Variants in BRINP2 observed in about 807,000 individuals in gnomAD.
BRINP2 encodes BMP/retinoic acid-inducible neural-specific protein 2.
In BRINP2, 21 loss-of-function variants were observed where a neutral mutation model predicts 69.2. That is an observed-to-expected ratio of 0.30 (90% CI 0.22 to 0.44). BRINP2 has a LOEUF of 0.44. BRINP2 is among the 20% of genes least tolerant of loss of function. BRINP2 has a pLI of 1.00. For synonymous variants in BRINP2, 380 were observed against 394.1 expected, an observed-to-expected ratio of 0.96 and a Z score of 0.42; for missense variants, 877 against 986.0, an observed-to-expected ratio of 0.89 and a Z score of 1.48.
Position 177,278,785 on chromosome 1 carries a change from G to C in BRINP2, c.1235G>C (p.Arg412Thr), listed in dbSNP as rs375265726. The change falls in exon 7 of 8, where the codon AGG (arginine) becomes ACG (threonine). Residue 412 changes from arginine (R) to threonine (T), a missense_variant and splice_region_variant. By Grantham distance (71) the Arg-to-Thr change is moderately conservative. This residue lies in a region of BRINP2 where 566 missense variants were observed against 625.2 expected (regional missense o/e 0.91). Coordinates refer to ENST00000361539, the MANE Select transcript of BRINP2 (RefSeq NM_021165.4). ...RQPRFRLPKERSLSYWWNRIQ... is the reference protein window; with the variant it reads ...RQPRFRLPKETSLSYWWNRIQ... ...CCTCGCTTCCGCCTGCCCAAGGAGA[G>C]GTGAGCACCCCCTGGCTGCTACAGC... The C allele has an allele frequency of 1.4e-5, 23 of 1,613,644 alleles. No individual in the cohort carries two copies. The highest frequency in any genetic ancestry group is 1.9e-5 in the Non-Finnish European group (22 of 1,180,024).
At chr1:177,212,898 A>C (rs1649269359) in intron 1 of BRINP2, among the ~76,000 whole-genome samples, 1 of 152,228 alleles carries the variant, frequency 6.6e-6, no homozygotes, top group South Asian at 2.1e-4. Flanking sequence ...TCTTGAAGCT[A>C]GGTGAGCGCC....
intron 2 of BRINP2, among the ~76,000 whole-genome samples, chr1:177,248,995 G>A (rs1203854986): frequency 2.6e-5 from 4 of 152,038 alleles, no homozygotes; most frequent in Non-Finnish European, 4.4e-5. Context: ...TGGATTTTAG[G>A]GAAATCCCTA....
At chr1:177,256,765 G>T in intron 3 of BRINP2, 1 of 1,107,908 alleles carries the variant, frequency 9.0e-7, no homozygotes, top group Non-Finnish European at 1.1e-6. Flanking sequence ...CACGCGGCAG[G>T]TGTTGAGTGT....
intron 4 of BRINP2, among the ~76,000 whole-genome samples, chr1:177,264,234 T>C (rs1651052613): frequency 6.6e-6 from 1 of 152,208 alleles, no homozygotes; most frequent in African/African-American, 2.4e-5. Context: ...CCTCACTCTT[T>C]AATGGCCTCA....
Position 177,202,705 on chromosome 1 carries a change from G to A in BRINP2, c.-76-27096G>A, listed in dbSNP as rs113179188. On this transcript the variant is annotated intron_variant, in intron 1 of 7. Coordinates refer to ENST00000361539, the MANE Select transcript of BRINP2 (RefSeq NM_021165.4). ...TGATTTGGGGTGGAGACATTTATGC[G>A]GCCAAAAAACACATGAAAAAATGCT... Among the ~76,000 whole-genome samples the A allele has an allele frequency of 1.1e-3, 163 of 152,080 alleles. 1 individual carries two copies. Among genetic ancestry groups the A allele is most frequent in the Admixed American group, 3.6e-3 (55 of 15,270 alleles).
In BRINP2 at chr1:177,171,290, C is replaced by T. The variant is rs1647920132; in HGVS notation, c.-519C>T. On this transcript the variant is annotated 5_prime_UTR_variant, in exon 1 of 8. Coordinates refer to ENST00000361539, the MANE Select transcript of BRINP2 (RefSeq NM_021165.4). ...AAGAAGGCAAAATCTTGGGTTTCTC[C>T]TCGGCGGAGGGACAGGGGACTCCCC... 6.6e-6 allele frequency among the ~76,000 whole-genome samples: 1 copy of T among 152,198 alleles called. No homozygotes were observed. Among genetic ancestry groups the T allele is most frequent in the Non-Finnish European group, 1.5e-5 (1 of 68,038 alleles).
In BRINP2 at chr1:177,266,284, A is replaced by G. The variant is rs187010826; in HGVS notation, c.670-7204A>G. Among the ~76,000 whole-genome samples, 446 of 151,800 alleles carry G rather than the reference A, an allele frequency of 2.9e-3. 1 individual carries two copies. The highest frequency in any genetic ancestry group is 6.6e-3 in the Admixed American group (101 of 15,240). On this transcript the variant is annotated intron_variant, in intron 4 of 7. Transcript: ENST00000361539. ...CTTTGGTACTTTTCTCAGCCCCCTT[A>G]CTCCCTGCTCTACTCTTCACCTTCC...
At chr1:177,213,902 CT>C (rs954369198) in intron 1 of BRINP2, among the ~76,000 whole-genome samples, 1 of 152,026 alleles carries the variant, frequency 6.6e-6, no homozygotes, top group Non-Finnish European at 1.5e-5. Flanking sequence ...TTTTAACTTT[CT>C]TAAAAGGAAA....
chr1:177,245,573 G>A (rs1650350517), intron 2 of BRINP2, among the ~76,000 whole-genome samples: 1 of 152,172 alleles, frequency 6.6e-6, no homozygotes, highest in East Asian at 1.9e-4. Context: ...AAGCACAATG[G>A]GAGGCAGATA....
chr1:177,274,749 T>C (rs576790684), intron 5 of BRINP2, among the ~76,000 whole-genome samples: 35 of 152,214 alleles, frequency 2.3e-4, no homozygotes, highest in African/African-American at 7.9e-4. Context: ...ATGAAAGGAC[T>C]TGGAGAGGGT....
chr1:177,215,414 A>G, intron 1 of BRINP2, among the ~76,000 whole-genome samples: 1 of 152,218 alleles, frequency 6.6e-6, no homozygotes, highest in East Asian at 1.9e-4. Context: ...ATCTGAGTTC[A>G]CTTCATTGAT....
chr1:177,240,269 C>T (rs748918479), intron 2 of BRINP2, among the ~76,000 whole-genome samples: 9 of 152,142 alleles, frequency 5.9e-5, no homozygotes, highest in East Asian at 1.9e-4. Context: ...ACATGAGTTA[C>T]GTAGTTGGTT....
At chr1:177,186,040 G>T (rs1475523077) in intron 1 of BRINP2, among the ~76,000 whole-genome samples, 1 of 152,178 alleles carries the variant, frequency 6.6e-6, no homozygotes, top group Non-Finnish European at 1.5e-5. Context: ...AATATGCTTA[G>T]CAAAACAACC....
At chr1:177,216,419 G>A (rs549271538) in intron 1 of BRINP2, among the ~76,000 whole-genome samples, 3 of 151,930 alleles carry the variant, frequency 2.0e-5, no homozygotes, top group Non-Finnish European at 4.4e-5. Context: ...TTTGATGTCT[G>A]AATTGTATCT....
intron 1 of BRINP2, among the ~76,000 whole-genome samples, chr1:177,202,895 C>G (rs865946369): frequency 6.6e-6 from 1 of 152,142 alleles, no homozygotes. Flanking sequence ...TAAACTAGTT[C>G]AACCATTGTG....
chr1:177,250,832 T>C (rs988912768), intron 2 of BRINP2, among the ~76,000 whole-genome samples: 1 of 152,242 alleles, frequency 6.6e-6, no homozygotes. Context: ...TCAGACAGTC[T>C]GTGTTTAAAT....
At chr1:177,230,199 A>T (rs966266136) in intron 2 of BRINP2, 54 bp downstream of exon 2, 1 of 1,528,664 alleles carries the variant, frequency 6.5e-7, no homozygotes, top group African/African-American at 1.4e-5. Context: ...CAACCTGCAC[A>T]GGCCCTGCTG....
intron 4 of BRINP2, among the ~76,000 whole-genome samples, chr1:177,267,418 A>G (rs1051200150): frequency 4.9e-4 from 74 of 152,192 alleles, no homozygotes; most frequent in African/African-American, 1.5e-3. Flanking sequence ...ACTTCAACTT[A>G]CATGTAACTT....
At chr1:177,238,092 G>A (rs1295598568) in intron 2 of BRINP2, among the ~76,000 whole-genome samples, 4 of 152,174 alleles carry the variant, frequency 2.6e-5, no homozygotes, top group Non-Finnish European at 5.9e-5. Context: ...GTATGTGTTG[G>A]CCACTCTACA....
Sources: allele counts gnomAD v4.1 joint callset (sites outside exome capture counted in the v4.1 genomes callset), GRCh38; gene constraint gnomAD v4.1.1; regional missense constraint gnomAD v4.1.1; transcripts MANE v1.5; gene names NCBI Gene and HGNC (gene_info 2026-07-23, HGNC 2026-07-21).